The following NOS1AP variants were observed in gnomAD, a reference collection of about 807,000 sequenced individuals.
The protein encoded by NOS1AP is carboxyl-terminal PDZ ligand of neuronal nitric oxide synthase protein.
A neutral mutation model predicts 56.2 loss-of-function variants in NOS1AP; 21 were observed. The observed-to-expected ratio is 0.37, with a 90% CI of 0.26 to 0.54. The LOEUF (loss-of-function observed/expected upper bound fraction) is 0.54. NOS1AP is among the 20% of genes least tolerant of loss of function. NOS1AP has a pLI of 0.84. For synonymous variants in NOS1AP, 270 were observed against 274.6 expected (o/e 0.98, Z 0.17); for missense variants, 522 against 657.8 (o/e 0.79, Z 2.26).
Position 162,261,365 on chromosome 1 carries a change from T to G in NOS1AP, c.178-25979T>G, listed in dbSNP as rs147999093. ...CAGCAGGGAGTTTGCAGATTCTTAATGTGCAAACTTTTAAGAATCTTGAGA... is the reference window on the plus strand; with the variant it reads ...CAGCAGGGAGTTTGCAGATTCTTAAGGTGCAAACTTTTAAGAATCTTGAGA... On this transcript the variant is annotated intron_variant, in intron 2 of 9. Transcript: ENST00000361897. 3.1e-3 allele frequency among the ~76,000 whole-genome samples: 422 copies of G among 134,382 alleles called. 118 individuals carry two copies. Among genetic ancestry groups the G allele is most frequent in the Admixed American group, 4.0e-3 (50 of 12,426 alleles). The allele number at this position is 134,382 out of a possible 152,430, so 88.2% of individuals were successfully genotyped here.
At chr1:162,097,763 A>AT (rs778568504) in intron 1 of NOS1AP, among the ~76,000 whole-genome samples, 15 of 152,158 alleles carry the variant, frequency 9.9e-5, no homozygotes, top group Non-Finnish European at 1.2e-4. Context: ...TTATAGCTCT[A>AT]TTTTAGTCTT....
At chr1:162,083,803 G>C (rs1691943366) in intron 1 of NOS1AP, among the ~76,000 whole-genome samples, 1 of 152,150 alleles carries the variant, frequency 6.6e-6, no homozygotes, top group African/African-American at 2.4e-5. Flanking sequence ...TAAAAATACA[G>C]AGGCGCAGGC....
At chr1:162,228,970 A>G (rs749528410) in intron 2 of NOS1AP, among the ~76,000 whole-genome samples, 41 of 152,362 alleles carry the variant, frequency 2.7e-4, no homozygotes, top group Middle Eastern at 3.4e-3. Flanking sequence ...ATAAATAGAT[A>G]ATAAGATGGA....
intron 3 of NOS1AP, among the ~76,000 whole-genome samples, chr1:162,288,763 C>A (rs929990743): frequency 6.6e-6 from 1 of 152,094 alleles, no homozygotes; most frequent in Non-Finnish European, 1.5e-5. Context: ...AAAAGATATA[C>A]TGTTTATAAA....
chr1:162,118,934 A>G (rs1473758133), intron 1 of NOS1AP, among the ~76,000 whole-genome samples: 1 of 152,138 alleles, frequency 6.6e-6, no homozygotes, highest in Non-Finnish European at 1.5e-5. Flanking sequence ...AGTGGAATTT[A>G]GCATATTATT....
intron 2 of NOS1AP, among the ~76,000 whole-genome samples, chr1:162,214,135 G>A (rs1401325083): frequency 1.3e-5 from 2 of 152,140 alleles, no homozygotes; most frequent in African/African-American, 2.4e-5. Context: ...AATGCCAAGT[G>A]GAGGAGTTTT....
intron 5 of NOS1AP, among the ~76,000 whole-genome samples, chr1:162,335,191 T>C (rs1302262991): frequency 3.3e-5 from 5 of 152,216 alleles, no homozygotes. Context: ...CTGGCTTTCC[T>C]GTTTCCTATA....
At chr1:162,320,082 T>A (rs1320320792) in intron 4 of NOS1AP, among the ~76,000 whole-genome samples, 1 of 152,034 alleles carries the variant, frequency 6.6e-6, no homozygotes, top group Non-Finnish European at 1.5e-5. Flanking sequence ...CCCCCTGAGC[T>A]CCTCAGGGCA....
At chr1:162,255,427 A>G (rs1233971998) in intron 2 of NOS1AP, among the ~76,000 whole-genome samples, 2 of 147,144 alleles carry the variant, frequency 1.4e-5, no homozygotes, top group Admixed American at 1.4e-4. Context: ...GTTTCAGGTC[A>G]GGAGACCCAG....
At chr1:162,185,021 A>C (rs886626946) in intron 2 of NOS1AP, among the ~76,000 whole-genome samples, 3 of 152,192 alleles carry the variant, frequency 2.0e-5, no homozygotes, top group Non-Finnish European at 4.4e-5. Context: ...CTCCAAGAGG[A>C]TAATCCTTTT....
At chr1:162,289,331 T>C (rs1201973742) in intron 3 of NOS1AP, among the ~76,000 whole-genome samples, 1 of 151,070 alleles carries the variant, frequency 6.6e-6, no homozygotes, top group Non-Finnish European at 1.5e-5. Context: ...GGAGTTTCAT[T>C]CTTTTGCCCA....
At chr1:162,172,973 G>A (rs7521269) in intron 2 of NOS1AP, among the ~76,000 whole-genome samples, 32,181 of 151,368 alleles carry the variant, frequency 0.21, 3,815 homozygotes, top group East Asian at 0.39. Flanking sequence ...CCAGGCTGGA[G>A]TGTAGTGGCG....
At chr1:162,351,453 C>T (rs1022937507) in intron 6 of NOS1AP, among the ~76,000 whole-genome samples, 4 of 152,090 alleles carry the variant, frequency 2.6e-5, no homozygotes, top group African/African-American at 7.2e-5. Context: ...TTTGTGATCC[C>T]CAAGCTCAGC....
intron 2 of NOS1AP, among the ~76,000 whole-genome samples, chr1:162,162,651 A>G (rs750140147): frequency 1.6e-4 from 24 of 152,216 alleles, no homozygotes; most frequent in Non-Finnish European, 2.8e-4. Flanking sequence ...TGACTTTAAC[A>G]TTCTTAATTT....
At chr1:162,116,477 A>G (rs560769047) in intron 1 of NOS1AP, among the ~76,000 whole-genome samples, 1 of 152,202 alleles carries the variant, frequency 6.6e-6, no homozygotes, top group East Asian at 1.9e-4. Flanking sequence ...TATTCCATTC[A>G]ATGCTTCCTT....
Position 162,367,333 on chromosome 1 carries a change from G to A in NOS1AP, c.1387G>A (p.Ala463Thr). The A allele has an allele frequency of 1.2e-6, 2 of 1,613,100 alleles. No individual in the cohort carries two copies. The highest frequency in any genetic ancestry group is 2.2e-5 in the East Asian group (1 of 44,872). The change falls in exon 10 of 10, where the codon GCC (alanine) becomes ACC (threonine). Residue 463 changes from alanine (A) to threonine (T), a missense_variant. Physicochemically the swap from Ala to Thr is moderately conservative, Grantham distance 58 (BLOSUM62 0). This residue lies in a region of NOS1AP where 160 missense variants were observed against 180.3 expected (regional missense o/e 0.89). Transcript: ENST00000361897. This position sits in a 1 kb window ranked among gnomAD's most constrained non-coding sequence, Gnocchi z 6.5. ...ELIKFRESGI[A>T]SEYESNTDES... ...CATCAAGTTCCGAGAGTCAGGCATC[G>A]CCTCGGAGTACGAGTCCAACACGGA... is the stretch of plus-strand genomic sequence containing the variant.
rs1557897329 is a variant in NOS1AP at position 162,368,447 on chromosome 1, A to AAAG, written c.*982_*983insGAA. The AAAG allele has an allele frequency of 7.3e-6, 1 of 137,174 alleles. No homozygotes were observed. The highest frequency in any genetic ancestry group is 7.6e-5 in the Admixed American group (1 of 13,158). The allele number at this position is 137,174 out of a possible 1,614,324, so 8.5% of individuals were successfully genotyped here. On this transcript the variant is annotated 3_prime_UTR_variant, in exon 10 of 10. Transcript: ENST00000361897. Reference sequence around the variant, plus strand: ...TGGTCAGTTTTTACTGCAAAAAAAAAAAAAGAAAAAAGAGAAAGAAAAAAA... The same window carrying AAAG: ...TGGTCAGTTTTTACTGCAAAAAAAAAAAGAAAAGAAAAAAGAGAAAGAAAAAAA...
chr1:162,224,088 G>A (rs4592244), intron 2 of NOS1AP, among the ~76,000 whole-genome samples: 81,422 of 151,730 alleles, frequency 0.54, 22,902 homozygotes, highest in Non-Finnish European at 0.64. Flanking sequence ...TTTAAAGGCT[G>A]TAGAGTCATT....
chr1:162,209,266 T>C (rs1652263646), intron 2 of NOS1AP, among the ~76,000 whole-genome samples: 1 of 152,160 alleles, frequency 6.6e-6, no homozygotes, highest in Admixed American at 6.5e-5. Context: ...GGCCCAAGTG[T>C]CTCAGGGACT....
Sources: gnomAD v4.1 joint callset for allele counts (sites outside exome capture counted in the v4.1 genomes callset) on GRCh38, gnomAD v4.1.1 for gene constraint, gnomAD v4.1.1 regional missense constraint, Gnocchi (gnomAD v3.1) non-coding constraint, MANE v1.5 for transcripts, NCBI Gene and HGNC (gene_info 2026-07-23, HGNC 2026-07-21) for gene names.